SPOCK1: variants seen among roughly 807,000 people sequenced by gnomAD.
The protein encoded by SPOCK1 is SPARC (osteonectin), cwcv and kazal like domains proteoglycan 1, also known as testican-1.
Under a neutral mutation model 55.3 loss-of-function variants are expected in SPOCK1, and 23 were observed. That is an observed-to-expected ratio of 0.42 (90% CI 0.30 to 0.59). The LOEUF (loss-of-function observed/expected upper bound fraction) is 0.59. SPOCK1 is among the 20% of genes least tolerant of loss of function. The probability of loss-of-function intolerance (pLI) is 0.22; values close to 1 mark genes in which losing one functional copy is unlikely to be tolerated. For missense variants in SPOCK1, 499 were observed against 552.5 expected, an observed-to-expected ratio of 0.90 and a Z score of 0.97; for synonymous variants, 226 against 221.0, an observed-to-expected ratio of 1.02 and a Z score of -0.20.
chr5:137,406,138 A>T (rs76187358), intron 2 of SPOCK1, among the ~76,000 whole-genome samples: 1,746 of 152,284 alleles, frequency 0.011, 29 homozygotes, highest in African/African-American at 0.039. Flanking sequence ...CCTCCTACAG[A>T]GGCTCACCAC....
chr5:137,388,686 T>A (rs1159913262), intron 2 of SPOCK1, among the ~76,000 whole-genome samples: 2 of 152,182 alleles, frequency 1.3e-5, no homozygotes, highest in African/African-American at 4.8e-5. Context: ...TGGACCCAGT[T>A]TCTGGATGTG....
At chr5:137,136,020 T>C (rs980226952) in intron 4 of SPOCK1, among the ~76,000 whole-genome samples, 4 of 152,234 alleles carry the variant, frequency 2.6e-5, no homozygotes, top group Non-Finnish European at 5.9e-5. Context: ...GTTGTACATG[T>C]TTTGCAAATA....
At position 136,992,560 on chromosome 5, in the gene SPOCK1, C is replaced by A. The variant is rs147316042; in HGVS notation, c.630G>T (p.Leu210=). 129 of 1,613,814 alleles carry A rather than the reference C, an allele frequency of 8.0e-5. No individual in the cohort carries two copies. The highest frequency in any genetic ancestry group is 1.1e-4 in the Non-Finnish European group (127 of 1,179,896). The part of the protein sequence containing the change: ...DKELRNLASR[L]KDWFGALHED... ...CGTGGAGAGCTCCAAACCAATCCTT[C>A]AGCCGGGAGGCAAGGTTCCGCAACT... is the stretch of plus-strand genomic sequence containing the variant. The change falls in exon 7 of 11, where the codon CTG becomes CTT. Residue 210 remains leucine, a synonymous_variant. Transcript: ENST00000394945.
rs569318447 is a variant in SPOCK1 at position 137,443,980 on chromosome 5, C to T, written c.186+54393G>A. 5.8e-4 allele frequency among the ~76,000 whole-genome samples: 88 copies of T among 152,206 alleles called. 1 individual carries two copies. Among genetic ancestry groups the T allele is most frequent in the Admixed American group, 1.2e-3 (18 of 15,284 alleles). ...ACTTTTGAGAGTGAAAGAGGGACACCGTTCATCATTGTACCAGGATAACAG... is the reference window on the plus strand; with the variant it reads ...ACTTTTGAGAGTGAAAGAGGGACACTGTTCATCATTGTACCAGGATAACAG... On this transcript the variant is annotated intron_variant, in intron 2 of 10. Coordinates refer to ENST00000394945, the MANE Select transcript of SPOCK1 (RefSeq NM_004598.4).
intron 6 of SPOCK1, among the ~76,000 whole-genome samples, chr5:137,022,802 T>G (rs1001403897): frequency 8.5e-5 from 13 of 152,222 alleles, no homozygotes; most frequent in Non-Finnish European, 1.6e-4. Context: ...AGGGCTGGTA[T>G]TTGGGTGGCC....
intron 3 of SPOCK1, among the ~76,000 whole-genome samples, chr5:137,263,963 C>T (rs932926291): frequency 6.6e-6 from 1 of 152,140 alleles, no homozygotes; most frequent in Non-Finnish European, 1.5e-5. Context: ...CCATGAAGCC[C>T]TGTTGTTCAA....
At chr5:137,453,310 C>G (rs1483970093) in intron 2 of SPOCK1, among the ~76,000 whole-genome samples, 1 of 152,190 alleles carries the variant, frequency 6.6e-6, no homozygotes, top group African/African-American at 2.4e-5. Context: ...GAAGCTGCTT[C>G]ATATACACCT....
At chr5:137,023,812 C>T (rs896116254) in intron 6 of SPOCK1, among the ~76,000 whole-genome samples, 4 of 152,106 alleles carry the variant, frequency 2.6e-5, no homozygotes, top group African/African-American at 9.7e-5. Flanking sequence ...TGATTTGTCT[C>T]TTTCAAAAGA....
At chr5:137,450,016 A>C (rs1753222371) in intron 2 of SPOCK1, among the ~76,000 whole-genome samples, 1 of 152,136 alleles carries the variant, frequency 6.6e-6, no homozygotes, top group Non-Finnish European at 1.5e-5. Flanking sequence ...TCATAAAAAA[A>C]AACTCTATAG....
chr5:137,377,942 C>CT (rs3043282), intron 2 of SPOCK1, among the ~76,000 whole-genome samples: 31,524 of 104,586 alleles, frequency 0.3, 5,418 homozygotes, highest in Admixed American at 0.38. Context: ...TCACTTCTTC[C>CT]TTTTTTTTTT....
intron 5 of SPOCK1, among the ~76,000 whole-genome samples, chr5:137,108,151 T>G (rs567122107): frequency 6.6e-6 from 1 of 152,276 alleles, no homozygotes; most frequent in South Asian, 2.1e-4. Flanking sequence ...CTCCAACAGG[T>G]TTGTCTCTGA....
intron 2 of SPOCK1, among the ~76,000 whole-genome samples, chr5:137,276,864 G>C (rs895484532): frequency 6.6e-6 from 1 of 152,138 alleles, no homozygotes; most frequent in African/African-American, 2.4e-5. Flanking sequence ...AATGCCCTGA[G>C]TCTCCTCAGG....
At chr5:137,470,671 G>C (rs1753721793) in intron 2 of SPOCK1, among the ~76,000 whole-genome samples, 1 of 152,192 alleles carries the variant, frequency 6.6e-6, no homozygotes, top group African/African-American at 2.4e-5. Flanking sequence ...GCCCACCAAA[G>C]CCAGAAAGGA....
At chr5:137,281,304 C>T (rs1414701342) in intron 2 of SPOCK1, among the ~76,000 whole-genome samples, 1 of 152,128 alleles carries the variant, frequency 6.6e-6, no homozygotes, top group African/African-American at 2.4e-5. Flanking sequence ...CCACGTACAC[C>T]AGTGGCATAG....
At chr5:137,178,007 G>A (rs891892257) in intron 3 of SPOCK1, among the ~76,000 whole-genome samples, 5 of 152,118 alleles carry the variant, frequency 3.3e-5, no homozygotes, top group Non-Finnish European at 7.4e-5. Flanking sequence ...GCCTGACACC[G>A]GCTTCCTTCA....
At chr5:137,124,690 C>T (rs1181284845) in intron 4 of SPOCK1, among the ~76,000 whole-genome samples, 1 of 152,162 alleles carries the variant, frequency 6.6e-6, no homozygotes. Context: ...CAAGGCCATT[C>T]TGCAGCACTC....
Position 137,498,502 on chromosome 5 carries a change from G to A in SPOCK1, c.57C>T (p.Val19=), listed in dbSNP as rs1754356115. The A allele has an allele frequency of 6.3e-7, 1 of 1,581,546 alleles. No individual in the cohort carries two copies. The highest frequency in any genetic ancestry group is 8.6e-7 in the Non-Finnish European group (1 of 1,168,464). Reference sequence around the variant, plus strand: ...CGAGCGCGTCCAGGTGCCGGCTCTCGACTTGGAGGAAGCACCACGCCGCGG... The same window carrying A: ...CGAGCGCGTCCAGGTGCCGGCTCTCAACTTGGAGGAAGCACCACGCCGCGG... ...AAAAAWCFLQ[V]ESRHLDALAG... Residue 19 remains valine (V), a synonymous_variant, in exon 2 of 11, where the codon GTC becomes GTT. Coordinates refer to ENST00000394945, the MANE Select transcript of SPOCK1 (RefSeq NM_004598.4).
chr5:137,289,532 G>C (rs1757328480), intron 2 of SPOCK1, among the ~76,000 whole-genome samples: 1 of 152,104 alleles, frequency 6.6e-6, no homozygotes, highest in Non-Finnish European at 1.5e-5. Flanking sequence ...GCAATTCAGG[G>C]GAGAAAGACA....
rs146762668 is a variant in SPOCK1, at chr5:137,434,480, C to CTTT, written c.186+63890_186+63892dup. Among the ~76,000 whole-genome samples, 367 of 68,206 alleles carry CTTT rather than the reference C, an allele frequency of 5.4e-3. 42 individuals carry two copies. The highest frequency in any genetic ancestry group is 0.017 in the Middle Eastern group (1 of 60). 44.7% of individuals were successfully genotyped at this position (68,206 alleles called of 152,430 possible). A position where few individuals can be genotyped will look rare whatever the true frequency, so the allele number is the denominator to read the frequency against. ...TTTCCCTTCTCCATTTCTTTTTTTTCTTTTTTTTTTTTTTTTTTTTTTTTT... is the reference window on the plus strand; with the variant it reads ...TTTCCCTTCTCCATTTCTTTTTTTTCTTTTTTTTTTTTTTTTTTTTTTTTTTTT... On this transcript the variant is annotated intron_variant, in intron 2 of 10. Coordinates refer to ENST00000394945, the MANE Select transcript of SPOCK1 (RefSeq NM_004598.4).
Sources: gnomAD v4.1 joint callset for allele counts (sites outside exome capture counted in the v4.1 genomes callset) on GRCh38, gnomAD v4.1.1 for gene constraint, MANE v1.5 for transcripts, NCBI Gene and HGNC (gene_info 2026-07-23, HGNC 2026-07-21) for gene names.